The following PACRG variants were observed in gnomAD, a reference collection of about 807,000 sequenced individuals.
PACRG encodes parkin coregulated gene protein.
In PACRG, 29 loss-of-function variants were observed where a neutral mutation model predicts 29.7. The observed-to-expected ratio is 0.98, with a 90% confidence interval of 0.73 to 1.33. The LOEUF is 1.33. PACRG is among the 40% of genes most tolerant of loss of function. The probability of loss-of-function intolerance (pLI) is 0.00; values close to 1 mark genes in which losing one functional copy is unlikely to be tolerated. For synonymous variants in PACRG, 116 were observed against 118.7 expected (o/e 0.98, Z 0.15); for missense variants, 279 against 316.2 (o/e 0.88, Z 0.89).
intron 2 of PACRG, among the ~76,000 whole-genome samples, chr6:162,992,827 G>A (rs1172130365): frequency 7.0e-6 from 1 of 143,386 alleles, no homozygotes; most frequent in Non-Finnish European, 1.5e-5. Context: ...TTTTAATTGT[G>A]ATGTTAGGGT....
At chr6:163,197,588 C>T (rs531994487) in intron 4 of PACRG, among the ~76,000 whole-genome samples, 7 of 149,330 alleles carry the variant, frequency 4.7e-5, no homozygotes, top group Admixed American at 2.7e-4. Context: ...GGACTACAGG[C>T]GCCCGCCACC....
At chr6:162,935,762 T>C (rs1798192369) in intron 2 of PACRG, among the ~76,000 whole-genome samples, 2 of 152,178 alleles carry the variant, frequency 1.3e-5, no homozygotes, top group South Asian at 4.1e-4. Context: ...TCATGTTTCT[T>C]GTGAACAGGA....
intron 2 of PACRG, among the ~76,000 whole-genome samples, chr6:162,988,937 G>A (rs762419419): frequency 3.9e-5 from 6 of 152,116 alleles, no homozygotes; most frequent in Admixed American, 2.0e-4. Context: ...ACTGACTGGT[G>A]AAACTATTGG....
intron 4 of PACRG, among the ~76,000 whole-genome samples, chr6:163,302,221 TTC>T (rs924010578): frequency 1.3e-5 from 2 of 151,904 alleles, no homozygotes; most frequent in Non-Finnish European, 2.9e-5. Flanking sequence ...TTAGATACTG[TTC>T]TCTCTCTCTC....
chr6:163,169,143 CAG>C (rs1230414859), intron 4 of PACRG, among the ~76,000 whole-genome samples: 1 of 152,180 alleles, frequency 6.6e-6, no homozygotes, highest in East Asian at 1.9e-4. Flanking sequence ...AGATGAGAAG[CAG>C]TGTTGATTTG....
chr6:162,780,279 A>G (rs1466323979), intron 1 of PACRG, among the ~76,000 whole-genome samples: 1 of 152,186 alleles, frequency 6.6e-6, no homozygotes, highest in Non-Finnish European at 1.5e-5. Flanking sequence ...AGAGGGAAAA[A>G]TGAACCTTGG....
At chr6:162,736,665 A>G (rs777687643) in intron 1 of PACRG, among the ~76,000 whole-genome samples, 1 of 150,942 alleles carries the variant, frequency 6.6e-6, no homozygotes, top group African/African-American at 2.4e-5. Flanking sequence ...TTTTTTTGCC[A>G]TAAATAATTA....
intron 4 of PACRG, among the ~76,000 whole-genome samples, chr6:163,201,896 C>T (rs887327306): frequency 6.6e-6 from 1 of 152,212 alleles, no homozygotes; most frequent in African/African-American, 2.4e-5. Flanking sequence ...GACCTGCCTT[C>T]CTCACACGGT....
intron 4 of PACRG, among the ~76,000 whole-genome samples, chr6:163,299,964 G>T (rs751761788): frequency 4.6e-5 from 7 of 152,206 alleles, no homozygotes; most frequent in Non-Finnish European, 8.8e-5. Context: ...GGGTCTTGCT[G>T]ATAGAAGCAC....
chr6:162,829,863 C>T (rs1788600401), intron 2 of PACRG, among the ~76,000 whole-genome samples: 1 of 152,136 alleles, frequency 6.6e-6, no homozygotes, highest in Non-Finnish European at 1.5e-5. Flanking sequence ...GGATCGCTGT[C>T]CTGACCCTGT....
At chr6:163,019,108 G>T (rs986417691) in intron 2 of PACRG, among the ~76,000 whole-genome samples, 1 of 152,126 alleles carries the variant, frequency 6.6e-6, no homozygotes, top group African/African-American at 2.4e-5. Flanking sequence ...TATCTTGCAA[G>T]TTCTTCTATT....
chr6:162,760,611 C>T (rs1289687292), intron 1 of PACRG, among the ~76,000 whole-genome samples: 2 of 152,096 alleles, frequency 1.3e-5, no homozygotes, highest in Non-Finnish European at 1.5e-5. Context: ...GGAGGAACCA[C>T]ACGGAGGTCA....
chr6:163,282,201 T>C (rs1784247263), intron 4 of PACRG, among the ~76,000 whole-genome samples: 1 of 152,150 alleles, frequency 6.6e-6, no homozygotes, highest in Admixed American at 6.5e-5. Flanking sequence ...TGAGGTGATA[T>C]ACAAATTATG....
upstream of PACRG, chr6:162,727,719 GCGGCGC>G: frequency 6.5e-7 from 1 of 1,547,686 alleles, no homozygotes; most frequent in Non-Finnish European, 8.7e-7. Context: ...CATGCGCGCA[GCGGCGC>G]CAGCCGCGCC....
At position 163,315,194 on chromosome 6, in the gene PACRG, T is replaced by C. The variant is rs1256167021; in HGVS notation, c.*207T>C. 3.8e-6 allele frequency: 2 copies of C among 521,982 alleles called. No individual in the cohort carries two copies. The highest frequency in any genetic ancestry group is 1.9e-5 in the African/African-American group (1 of 51,892). The allele number at this position is 521,982 out of a possible 1,614,324, so 32.3% of individuals were successfully genotyped here. On this transcript the variant is annotated 3_prime_UTR_variant, in exon 5 of 5. Coordinates refer to ENST00000366888, the MANE Select transcript of PACRG (RefSeq NM_001080379.2). ...GTGTCTGTTTCTTAGATTACAATAG[T>C]GTACTGTGCTTATTTGTTCTAAGAG... is the stretch of plus-strand genomic sequence containing the variant.
chr6:163,228,628 G>A (rs1411569229), intron 4 of PACRG, among the ~76,000 whole-genome samples: 1 of 151,968 alleles, frequency 6.6e-6, no homozygotes, highest in East Asian at 1.9e-4. Flanking sequence ...TAAAACTTTC[G>A]GCAATACTGC....
intron 1 of PACRG, among the ~76,000 whole-genome samples, chr6:162,773,698 G>A (rs978648984): frequency 1.3e-5 from 2 of 151,488 alleles, no homozygotes; most frequent in African/African-American, 2.4e-5. Flanking sequence ...TGTATTTTTA[G>A]TAGAGACGGG....
In PACRG at chr6:162,959,158, A is replaced by G. The variant is rs147677568; in HGVS notation, c.292-102992A>G. On this transcript the variant is annotated intron_variant, in intron 2 of 4. Coordinates refer to ENST00000366888, the MANE Select transcript of PACRG (RefSeq NM_001080379.2). ...AGTCTTGAATTCCTATCCTCAAGCA[A>G]TCCTCCTGCCTTAGCCTACCAAAGC... Among the ~76,000 whole-genome samples the G allele has an allele frequency of 2.1e-3, 320 of 151,324 alleles. 2 individuals are homozygous for G. Among genetic ancestry groups the G allele is most frequent in the African/African-American group, 7.5e-3 (309 of 41,154 alleles).
At chr6:162,972,837 C>T (rs1801643082) in intron 2 of PACRG, among the ~76,000 whole-genome samples, 1 of 151,862 alleles carries the variant, frequency 6.6e-6, no homozygotes, top group Admixed American at 6.6e-5. Context: ...TAAGAGTAAA[C>T]AATGTGCTCT....
Sources: allele counts gnomAD v4.1 joint callset (sites outside exome capture counted in the v4.1 genomes callset), GRCh38; gene constraint gnomAD v4.1.1; transcripts MANE v1.5; gene names NCBI Gene and HGNC (gene_info 2026-07-23, HGNC 2026-07-21).